PKN2: variants seen among roughly 807,000 people sequenced by gnomAD.
PKN2 encodes protein kinase N2.
A neutral mutation model predicts 119.1 loss-of-function variants in PKN2; 38 were observed. That is an observed-to-expected ratio of 0.32 (90% CI 0.25 to 0.42). PKN2 has a LOEUF of 0.42. Ranked by LOEUF, PKN2 falls within the 10% of genes least tolerant of loss-of-function variation. PKN2 has a pLI of 1.00. For synonymous variants in PKN2, 390 were observed against 384.9 expected (o/e 1.01, Z -0.15); for missense variants, 850 against 1,165.1 (o/e 0.73, Z 3.94).
chr1:88,703,618 A>C (rs1666859038), intron 1 of PKN2, among the ~76,000 whole-genome samples: 1 of 152,138 alleles, frequency 6.6e-6, no homozygotes, highest in African/African-American at 2.4e-5. Context: ...ATATTTTGTA[A>C]TAAGCATTTT....
At chr1:88,763,576 C>T (rs911666911) in intron 3 of PKN2, among the ~76,000 whole-genome samples, 1 of 130,128 alleles carries the variant, frequency 7.7e-6, no homozygotes, top group Non-Finnish European at 1.6e-5. Context: ...CATTGCACTC[C>T]AGCCTGGGCA....
At chr1:88,740,881 AAATGT>A (rs1284950310) in intron 1 of PKN2, 102 bp from the exon 2 acceptor site, 6 of 617,426 alleles carry the variant, frequency 9.7e-6, no homozygotes, top group African/African-American at 9.6e-5. Context: ...AAATATAGTT[AAATGT>A]AATGTAATCA....
At chr1:88,711,311 A>G (rs532024460) in intron 1 of PKN2, among the ~76,000 whole-genome samples, 2 of 151,590 alleles carry the variant, frequency 1.3e-5, no homozygotes, top group Non-Finnish European at 2.9e-5. Context: ...GAGAAGTGGA[A>G]AAAAAAAAGA....
intron 16 of PKN2, among the ~76,000 whole-genome samples, chr1:88,817,436 G>C (rs1672045513): frequency 6.7e-6 from 1 of 149,524 alleles, no homozygotes; most frequent in Non-Finnish European, 1.5e-5. Flanking sequence ...GGCCGGGTGA[G>C]GTGGCTCATG....
intron 3 of PKN2, among the ~76,000 whole-genome samples, chr1:88,768,025 A>C (rs1425486603): frequency 1.8e-4 from 24 of 133,474 alleles, no homozygotes; most frequent in African/African-American, 8.1e-4. Context: ...AGTGATTAAA[A>C]ATAGAGATGC....
chr1:88,689,001 A>T (rs1416981007), intron 1 of PKN2, among the ~76,000 whole-genome samples: 1 of 152,202 alleles, frequency 6.6e-6, no homozygotes, highest in African/African-American at 2.4e-5. Context: ...ATTCTTCCAT[A>T]TAGCACACTG....
intron 1 of PKN2, among the ~76,000 whole-genome samples, chr1:88,719,136 C>T (rs998736291): frequency 6.6e-6 from 1 of 152,190 alleles, no homozygotes; most frequent in Non-Finnish European, 1.5e-5. Context: ...AAAGGTTGCA[C>T]TTGTTTTCCT....
intron 7 of PKN2, among the ~76,000 whole-genome samples, chr1:88,785,193 G>A (rs1670521478): frequency 6.6e-6 from 1 of 152,174 alleles, no homozygotes; most frequent in African/African-American, 2.4e-5. Flanking sequence ...CAGGCTGGGT[G>A]CAGTGGTGCA....
intron 1 of PKN2, among the ~76,000 whole-genome samples, chr1:88,721,329 G>A (rs1481216528): frequency 6.6e-6 from 1 of 152,046 alleles, no homozygotes; most frequent in African/African-American, 2.4e-5. Context: ...TGAAGGAATG[G>A]CCTTGTGTAA....
At chr1:88,829,512 ATTAACT>A (rs1318347015) in intron 19 of PKN2, 1 of 173,724 alleles carries the variant, frequency 5.8e-6, no homozygotes, top group Non-Finnish European at 1.2e-5. Context: ...TTTTCTGTAG[ATTAACT>A]TAAATTTCTG....
rs991580351 is a variant in PKN2, at chr1:88,756,667, G to C, written c.350-3555G>C. On this transcript the variant is annotated intron_variant, in intron 2 of 21. Transcript: ENST00000370521. The stretch of plus-strand genomic sequence containing the variant: ...TAATTTACACTTCTTACAAGATTCT[G>C]ATATCATTTATCCAAAAAGAGAAAA... 2.0e-5 allele frequency among the ~76,000 whole-genome samples: 3 copies of C among 152,180 alleles called. No individual in the cohort carries two copies. In the East Asian group the frequency reaches 5.8e-4, roughly 29 times the overall value.
At chr1:88,814,072 T>C (rs1671887209) in intron 16 of PKN2, among the ~76,000 whole-genome samples, 1 of 152,190 alleles carries the variant, frequency 6.6e-6, no homozygotes, top group Non-Finnish European at 1.5e-5. Context: ...CAAAATGCAC[T>C]GTTAAGTTTT....
At chr1:88,745,191 TAAGATCAGGAAC>T (rs1188855413) in intron 2 of PKN2, among the ~76,000 whole-genome samples, 1 of 152,222 alleles carries the variant, frequency 6.6e-6, no homozygotes, top group Non-Finnish European at 1.5e-5. Flanking sequence ...GCTTTTCTTT[TAAGATCAGGAAC>T]AAGATCAGGA....
At chr1:88,704,001 A>G (rs550035389) in intron 1 of PKN2, among the ~76,000 whole-genome samples, 1 of 152,252 alleles carries the variant, frequency 6.6e-6, no homozygotes, top group African/African-American at 2.4e-5. Flanking sequence ...GATATAATTG[A>G]CATACAGTAA....
At chr1:88,764,604 C>T (rs978870864) in intron 3 of PKN2, among the ~76,000 whole-genome samples, 1 of 152,108 alleles carries the variant, frequency 6.6e-6, no homozygotes, top group African/African-American at 2.4e-5. Flanking sequence ...CATTTGTGGC[C>T]GTTTATCTTC....
intron 1 of PKN2, among the ~76,000 whole-genome samples, chr1:88,739,072 T>C (rs1668470282): frequency 6.6e-6 from 1 of 151,102 alleles, no homozygotes; most frequent in Admixed American, 6.6e-5. Context: ...AGGTGTAGAT[T>C]ACCTGTTTTA....
At position 88,771,744 on chromosome 1, in the gene PKN2, A is replaced by G; in HGVS notation, c.850A>G (p.Lys284Glu). The G allele has an allele frequency of 6.2e-7, 1 of 1,613,996 alleles. No homozygotes were observed. The highest frequency in any genetic ancestry group is 1.1e-5 in the South Asian group (1 of 91,082). Residue 284 changes from lysine to glutamate, a missense_variant, in exon 6 of 22, where the codon AAG becomes GAG. Coordinates refer to ENST00000370521, the MANE Select transcript of PKN2 (RefSeq NM_006256.4). Reference protein sequence around the residue: ...SLEQRLNEVPKNHPKSRIIIE... With the variant: ...SLEQRLNEVPENHPKSRIIIE... ...AGAGCAAAGATTAAACGAAGTCCCC[A>G]AGAATCATCCCAAAAGCAGGATTAT...
intron 12 of PKN2, chr1:88,806,411 C>T (rs1397696885): frequency 1.6e-5 from 3 of 190,678 alleles, no homozygotes; most frequent in Non-Finnish European, 3.3e-5. Flanking sequence ...CTCGGGTGAT[C>T]AGCCCGCCTC....
At chr1:88,769,565 G>A (rs1170355239) in intron 3 of PKN2, among the ~76,000 whole-genome samples, 2 of 152,158 alleles carry the variant, frequency 1.3e-5, no homozygotes, top group Non-Finnish European at 2.9e-5. Flanking sequence ...TACAGTATCT[G>A]TTAGCAGATA....
Sources: allele counts gnomAD v4.1 joint callset (sites outside exome capture counted in the v4.1 genomes callset), GRCh38; gene constraint gnomAD v4.1.1; transcripts MANE v1.5; gene names NCBI Gene and HGNC (gene_info 2026-07-23, HGNC 2026-07-21).